CRISP3: variants seen among roughly 807,000 people sequenced by gnomAD.
CRISP3 encodes cysteine rich secretory protein 3, also known as cysteine-rich secretory protein 3.
Under a neutral mutation model 36.1 loss-of-function variants are expected in CRISP3, and 33 were observed. The ratio of observed to expected loss-of-function variants is 0.91; its 90% CI spans 0.69 to 1.22. CRISP3 has a LOEUF of 1.22. CRISP3 is among the 50% of genes most tolerant of loss of function. The pLI is 0.00. For synonymous variants in CRISP3, 117 were observed against 104.6 expected, an observed-to-expected ratio of 1.12 and a Z score of -0.72; for missense variants, 330 against 301.2, an observed-to-expected ratio of 1.10 and a Z score of -0.71.
Position 49,736,286 on chromosome 6 carries a change from A to G in CRISP3, c.228+105T>C, listed in dbSNP as rs193026172. 4,023 of 741,590 alleles carry G rather than the reference A, an allele frequency of 5.4e-3. 20 individuals carry two copies. The highest frequency in any genetic ancestry group is 6.9e-3 in the Non-Finnish European group (3,009 of 433,264). The allele number at this position is 741,590 out of a possible 1,614,324, so 45.9% of individuals were successfully genotyped here. A position where few individuals can be genotyped will look rare whatever the true frequency, so the allele number is the denominator to read the frequency against. On this transcript the variant is annotated intron_variant, in intron 3 of 7. Transcript: ENST00000263045. ...GCTCAAATGAAACAAAAAAATACAGAGAGAACTTTGTAAACTTCAAAGTTA... is the reference window on the plus strand; with the variant it reads ...GCTCAAATGAAACAAAAAAATACAGGGAGAACTTTGTAAACTTCAAAGTTA...
At chr6:49,732,590 A>T (rs643775) in intron 6 of CRISP3, among the ~76,000 whole-genome samples, 26,452 of 152,132 alleles carry the variant, frequency 0.17, 2,996 homozygotes, top group African/African-American at 0.32. Context: ...TCTTAATGGA[A>T]GGTTCCATGA....
intron 1 of CRISP3, among the ~76,000 whole-genome samples, chr6:49,741,008 G>A (rs943457555): frequency 2.0e-5 from 3 of 151,960 alleles, no homozygotes; most frequent in African/African-American, 4.8e-5. Flanking sequence ...GGCTGAGGCA[G>A]GAGAATGGCG....
chr6:49,736,332 G>T (rs1769050331), intron 3 of CRISP3, 59 bp downstream of exon 3: 3 of 1,088,156 alleles, frequency 2.8e-6, no homozygotes, highest in African/African-American at 1.6e-5. Flanking sequence ...TTAGTTGCCA[G>T]CCGCCTACTC....
At chr6:49,733,382 A>G (rs1194908634) in intron 5 of CRISP3, 90 bp from the exon 6 acceptor site, 19 of 904,756 alleles carry the variant, frequency 2.1e-5, no homozygotes, top group Non-Finnish European at 2.6e-5. Context: ...ATGGAGAAGA[A>G]TGTTACCGAC....
chr6:49,733,127 GT>G (rs11343694), intron 6 of CRISP3, 67 bp downstream of exon 6: 109,705 of 898,554 alleles, frequency 0.12, 7,516 homozygotes, highest in African/African-American at 0.21. Context: ...ATGCTTTTTA[GT>G]TTTTTTTTAT....
chr6:49,729,482 G>A (rs1252136614), intron 7 of CRISP3, among the ~76,000 whole-genome samples: 1 of 152,102 alleles, frequency 6.6e-6, no homozygotes, highest in Non-Finnish European at 1.5e-5. Context: ...TTTCTACTTG[G>A]ATGTCCTTCA....
chr6:49,743,601 G>T (rs1029201152), intron 1 of CRISP3, among the ~76,000 whole-genome samples: 7 of 152,070 alleles, frequency 4.6e-5, no homozygotes, highest in African/African-American at 1.7e-4. Context: ...TTGTCATTAG[G>T]TAGTTCTGTG....
intron 4 of CRISP3, among the ~76,000 whole-genome samples, chr6:49,735,019 C>T (rs993240901): frequency 4.6e-5 from 7 of 151,858 alleles, no homozygotes; most frequent in South Asian, 2.1e-4. Context: ...ATGTTAAATA[C>T]GTTTTTCATA....
intron 1 of CRISP3, 120 bp from the exon 2 acceptor site, chr6:49,737,518 T>A: frequency 9.7e-7 from 1 of 1,030,528 alleles, no homozygotes; most frequent in Non-Finnish European, 1.5e-6. Context: ...ATTATTAATG[T>A]AACAGGAGAA....
rs755162365 is a variant in CRISP3, at chr6:49,728,845, T to G, written c.662A>C (p.Lys221Thr). Residue 221 changes from lysine to threonine, a missense_variant, in exon 8 of 8, where the codon AAG becomes ACG. Physicochemically the swap from Lys to Thr is moderately conservative, Grantham distance 78 (BLOSUM62 -1). Coordinates refer to ENST00000263045, the MANE Select transcript of CRISP3 (RefSeq NM_006061.4). ...ACAGTTACTATAGAGATCTTCGTAC[T>G]TGCAACCATTGGCTGGAATAAAAAC... is the stretch of plus-strand genomic sequence containing the variant. ...CDDGLCTNGCKYEDLYSNCKS... is the reference protein window; with the variant it reads ...CDDGLCTNGCTYEDLYSNCKS... 1 of 1,608,002 alleles carries G rather than the reference T, an allele frequency of 6.2e-7. No individual in the cohort carries two copies. Among genetic ancestry groups the G allele is most frequent in the South Asian group, 1.1e-5 (1 of 89,522 alleles).
intron 1 of CRISP3, among the ~76,000 whole-genome samples, chr6:49,744,112 A>G (rs1173717847): frequency 1.3e-5 from 2 of 152,156 alleles, no homozygotes; most frequent in East Asian, 1.9e-4. Context: ...TTCAAACTGG[A>G]TAAAAGTGCT....
intron 4 of CRISP3, among the ~76,000 whole-genome samples, chr6:49,734,075 C>T (rs747800445): frequency 8.5e-5 from 13 of 152,172 alleles, no homozygotes; most frequent in Non-Finnish European, 1.9e-4. Context: ...CTGGTCTCAA[C>T]ATGCAAAACT....
intron 7 of CRISP3, among the ~76,000 whole-genome samples, chr6:49,730,815 C>T (rs1433041076): frequency 6.6e-6 from 1 of 152,110 alleles, no homozygotes; most frequent in Non-Finnish European, 1.5e-5. Flanking sequence ...CTGAGGTGGG[C>T]AGATCGCTTG....
chr6:49,744,334 T>A lies in CRISP3; in HGVS notation c.34A>T (p.Thr12Ser). 3.3e-6 allele frequency: 5 copies of A among 1,530,716 alleles called. No individual in the cohort carries two copies. The East Asian group carries it at 7.4e-5, about 23-fold the overall frequency. 94.8% of individuals were successfully genotyped at this position (1,530,716 alleles called of 1,614,324 possible). A position where few individuals can be genotyped will look rare whatever the true frequency, so the allele number is the denominator to read the frequency against. Residue 12 changes from threonine (T) to serine (S), a missense_variant, in exon 1 of 8, where the codon ACT becomes TCT. Coordinates refer to ENST00000263045, the MANE Select transcript of CRISP3 (RefSeq NM_006061.4). Reference sequence around the variant, plus strand: ...AAATAAAGGAGTTATCACTTACCAGTGGTTTCCAGAGCAGGATGAAGTATT... The same window carrying A: ...AAATAAAGGAGTTATCACTTACCAGAGGTTTCCAGAGCAGGATGAAGTATT... ...KQILHPALETTAMTLFPVLLF... is the reference protein window; with the variant it reads ...KQILHPALETSAMTLFPVLLF...
intron 7 of CRISP3, among the ~76,000 whole-genome samples, 172 bp downstream of exon 7, chr6:49,730,991 G>C (rs1033097297): frequency 6.6e-6 from 1 of 152,196 alleles, no homozygotes; most frequent in African/African-American, 2.4e-5. Context: ...GCAGTGAGCC[G>C]AGATGGCACC....
intron 6 of CRISP3, 29 bp from the exon 7 acceptor site, chr6:49,731,280 T>C: frequency 6.8e-7 from 1 of 1,472,740 alleles, no homozygotes; most frequent in Middle Eastern, 1.7e-4. Context: ...ATGTCAAATA[T>C]TTTTCATTTT....
intron 1 of CRISP3, 92 bp from the exon 2 acceptor site, chr6:49,737,490 C>T (rs570858760): frequency 2.4e-6 from 3 of 1,263,458 alleles, no homozygotes; most frequent in East Asian, 4.8e-5. Context: ...ACGTAATGAC[C>T]TCCATTATCC....
intron 6 of CRISP3, among the ~76,000 whole-genome samples, chr6:49,731,967 T>C (rs1024676493): frequency 1.3e-5 from 2 of 152,202 alleles, no homozygotes; most frequent in African/African-American, 4.8e-5. Flanking sequence ...CTGTACATCA[T>C]TGATGATTAT....
At chr6:49,728,887 T>C (rs1339268592) in intron 7 of CRISP3, 30 bp from the exon 8 acceptor site, 7 of 1,592,090 alleles carry the variant, frequency 4.4e-6, no homozygotes, top group Non-Finnish European at 6.0e-6. Context: ...ATTAGTCACT[T>C]CATTATCATT....
Sources: gnomAD v4.1 joint callset for allele counts (sites outside exome capture counted in the v4.1 genomes callset) on GRCh38, gnomAD v4.1.1 for gene constraint, MANE v1.5 for transcripts, NCBI Gene and HGNC (gene_info 2026-07-23, HGNC 2026-07-21) for gene names.